The following RFPL1 variants were observed in gnomAD, a reference collection of about 807,000 sequenced individuals.
RFPL1 encodes ret finger protein-like 1.
Under a neutral mutation model 9.6 loss-of-function variants are expected in RFPL1, and 6 were observed. The ratio of observed to expected loss-of-function variants is 0.62; its 90% CI spans 0.34 to 1.23. The LOEUF (loss-of-function observed/expected upper bound fraction) is 1.23, where lower values mean the gene tolerates loss of function less well. Among genes scored for constraint, RFPL1 ranks in the 50% most tolerant of loss-of-function variants. The probability of loss-of-function intolerance (pLI) is 0.03; values close to 1 mark genes in which losing one functional copy is unlikely to be tolerated. For missense variants in RFPL1, 352 were observed against 398.4 expected (o/e 0.88, Z 0.99); for synonymous variants, 145 against 149.4 (o/e 0.97, Z 0.22).
At chr22:29,403,815 A>T in the RFPL1 span, among the ~76,000 whole-genome samples, 3 of 152,216 alleles carry the variant, frequency 2.0e-5, no homozygotes, top group Admixed American at 2.0e-4. Context: ...TTGCATGCAT[A>T]TATTGCTGGT....
the RFPL1 span, among the ~76,000 whole-genome samples, chr22:29,415,930 G>C: frequency 6.6e-6 from 1 of 152,214 alleles, no homozygotes; most frequent in Non-Finnish European, 1.5e-5. Context: ...AGAGAGGATG[G>C]AAGTGAGACC....
the RFPL1 span, among the ~76,000 whole-genome samples, chr22:29,390,626 C>T: frequency 2.9e-5 from 4 of 136,380 alleles, no homozygotes; most frequent in African/African-American, 1.4e-4. Flanking sequence ...GACGGAGCCT[C>T]GCTCCATCAC....
the RFPL1 span, among the ~76,000 whole-genome samples, chr22:29,410,100 C>T: frequency 6.6e-6 from 1 of 150,786 alleles, no homozygotes; most frequent in East Asian, 1.9e-4. Flanking sequence ...CTACTGTCAC[C>T]AAGTGAATAA....
the RFPL1 span, among the ~76,000 whole-genome samples, chr22:29,399,896 T>G: frequency 6.6e-6 from 1 of 152,216 alleles, no homozygotes; most frequent in Non-Finnish European, 1.5e-5. Context: ...CTATTCATAT[T>G]TGAGCCTCTG....
chr22:29,423,382 C>CTTTTTTT, the RFPL1 span, among the ~76,000 whole-genome samples: 9 of 134,422 alleles, frequency 6.7e-5, 1 homozygote, highest in African/African-American at 8.1e-5. Context: ...AATCTATCAA[C>CTTTTTTT]TTTTTTTTTT....
the RFPL1 span, among the ~76,000 whole-genome samples, chr22:29,403,532 C>T: frequency 1.3e-5 from 2 of 152,022 alleles, no homozygotes; most frequent in African/African-American, 4.8e-5. Context: ...AGCTAGGAGG[C>T]TGGTGGCGAA....
At chr22:29,433,900 G>A (rs936936673), upstream of RFPL1, among the ~76,000 whole-genome samples, 1 of 151,998 alleles carries the variant, frequency 6.6e-6, no homozygotes, top group Non-Finnish European at 1.5e-5. Flanking sequence ...TTTTTTTAAT[G>A]TCTACAGAAA....
At chr22:29,439,202 A>G in intron 1 of RFPL1, 38 bp downstream of exon 1, 1 of 1,582,132 alleles carries the variant, frequency 6.3e-7, no homozygotes, top group Non-Finnish European at 8.6e-7. Flanking sequence ...TCCTACGACC[A>G]GACCAGGAAA....
chr22:29,419,595 G>A, the RFPL1 span, among the ~76,000 whole-genome samples: 3 of 152,098 alleles, frequency 2.0e-5, no homozygotes, highest in East Asian at 3.9e-4. Context: ...ACGAGGCCAG[G>A]AGATCAAGAC....
chr22:29,388,415 CT>C, the RFPL1 span: 1 of 152,656 alleles, frequency 6.6e-6, no homozygotes, highest in Non-Finnish European at 1.5e-5. Context: ...CGGGTCCCCG[CT>C]TCCTCACCCG....
At chr22:29,440,954 A>C (rs188626171) in intron 1 of RFPL1, 1 of 153,018 alleles carries the variant, frequency 6.5e-6, no homozygotes, top group Non-Finnish European at 1.5e-5. Context: ...CCCATGTAGG[A>C]TGGAAAACAT....
chr22:29,441,641 A>G lies in RFPL1; in HGVS notation c.473A>G (p.Asp158Gly). Residue 158 changes from aspartate to glycine, a missense_variant, in exon 2 of 2, where the codon GAC becomes GGC. Physicochemically the swap from Asp to Gly is moderately conservative, Grantham distance 94 (BLOSUM62 -1). Transcript: ENST00000354373. Reference sequence around the variant, plus strand: ...GGGTGCATCACACAGAATCGGCAAGACCTTGCCGAGAGATTTGACGTGTCC... The same window carrying G: ...GGGTGCATCACACAGAATCGGCAAGGCCTTGCCGAGAGATTTGACGTGTCC... The G allele has an allele frequency of 2.5e-6, 4 of 1,613,912 alleles. No homozygotes were observed. The South Asian group carries it at 4.4e-5, about 18-fold the overall frequency.
chr22:29,424,148 T>TA, the RFPL1 span, among the ~76,000 whole-genome samples: 1 of 151,950 alleles, frequency 6.6e-6, no homozygotes, highest in East Asian at 1.9e-4. Flanking sequence ...CCACTGCACT[T>TA]CAGCCTGGGA....
At chr22:29,392,875 G>A in the RFPL1 span, among the ~76,000 whole-genome samples, 2 of 152,204 alleles carry the variant, frequency 1.3e-5, no homozygotes, top group Non-Finnish European at 2.9e-5. Flanking sequence ...ACAAGGCTGA[G>A]GGCCTGGTCC....
chr22:29,417,731 C>T, the RFPL1 span, among the ~76,000 whole-genome samples: 9 of 151,586 alleles, frequency 5.9e-5, no homozygotes, highest in Non-Finnish European at 1.2e-4. Context: ...CTCTCAAATA[C>T]TGTGCAAATA....
chr22:29,430,085 G>A, the RFPL1 span, among the ~76,000 whole-genome samples: 8 of 152,106 alleles, frequency 5.3e-5, no homozygotes, highest in Non-Finnish European at 1.2e-4. Context: ...GTAATTACAT[G>A]TTTTCTAGTA....
chr22:29,413,269 T>A, the RFPL1 span, among the ~76,000 whole-genome samples: 1 of 152,028 alleles, frequency 6.6e-6, no homozygotes, highest in South Asian at 2.1e-4. Context: ...AGCAGCCACA[T>A]GTTTATACAG....
chr22:29,390,079 C>T, the RFPL1 span, among the ~76,000 whole-genome samples: 71 of 152,200 alleles, frequency 4.7e-4, 1 homozygote, highest in South Asian at 0.015. Flanking sequence ...GGATTATAGG[C>T]GTGAGCCACT....
At chr22:29,404,635 A>T in the RFPL1 span, among the ~76,000 whole-genome samples, 2 of 152,348 alleles carry the variant, frequency 1.3e-5, no homozygotes, top group Admixed American at 6.5e-5. Flanking sequence ...TTTAAAAAAA[A>T]TTTCCTTTAG....
Sources: allele counts gnomAD v4.1 joint callset (sites outside exome capture counted in the v4.1 genomes callset), GRCh38; gene constraint gnomAD v4.1.1; transcripts MANE v1.5; gene names NCBI Gene and HGNC (gene_info 2026-07-23, HGNC 2026-07-21).